Variants in ASXL2 observed in about 807,000 individuals in gnomAD.
ASXL2 encodes the protein putative Polycomb group protein ASXL2.
A neutral mutation model predicts 122.0 loss-of-function variants in ASXL2; 23 were observed. The ratio of observed to expected loss-of-function variants is 0.19; its 90% confidence interval spans 0.14 to 0.27. ASXL2 has a LOEUF of 0.27. ASXL2 is among the 10% of genes least tolerant of loss of function. The probability of loss-of-function intolerance (pLI) is 1.00; values close to 1 mark genes in which losing one functional copy is unlikely to be tolerated. For synonymous variants in ASXL2, 650 were observed against 637.0 expected (o/e 1.02, Z -0.31); for missense variants, 1,518 against 1,713.8 (o/e 0.89, Z 2.02).
rs778498247 is a variant in ASXL2, at chr2:25,742,928, T to C, written c.3409A>G (p.Ser1137Gly). 9 of 1,613,802 alleles carry C rather than the reference T, an allele frequency of 5.6e-6. No individual in the cohort carries two copies. The African/African-American group carries it at 1.1e-4, about 19-fold the overall frequency. The stretch of plus-strand genomic sequence containing the variant: ...TTTACAGAATGGGTCCTCCTAAAGC[T>C]CTCTGAGCCCCGGCCGTAGGTAGAA... Reference protein sequence around the residue: ...NISTYGRGSESFRRTHSVNPE... With the variant: ...NISTYGRGSEGFRRTHSVNPE... The change falls in exon 13 of 13, where the codon AGC becomes GGC. Residue 1137 changes from serine (S) to glycine (G), a missense_variant. By Grantham distance (56) the Ser-to-Gly change is moderately conservative. Transcript: ENST00000435504.
chr2:25,821,386 A>C (rs2089308823), intron 3 of ASXL2, among the ~76,000 whole-genome samples: 1 of 151,754 alleles, frequency 6.6e-6, no homozygotes, highest in African/African-American at 2.4e-5. Flanking sequence ...AAGGGAAAGG[A>C]AAGGAGGGAA....
intron 11 of ASXL2, among the ~76,000 whole-genome samples, chr2:25,751,451 G>A (rs746995321): frequency 2.6e-5 from 4 of 152,010 alleles, no homozygotes; most frequent in Non-Finnish European, 4.4e-5. Context: ...CTGTGCAACA[G>A]GGCAAAACCC....
rs2088288831 is a variant in ASXL2 at position 25,763,476 on chromosome 2, C to G, written c.776-3831G>C. ...CTGCACTCCAGCCTGGGTGACAGATCAAGACTCCATGTTAAAAAAAAAAAA... is the reference window on the plus strand; with the variant it reads ...CTGCACTCCAGCCTGGGTGACAGATGAAGACTCCATGTTAAAAAAAAAAAA... On this transcript the variant is annotated intron_variant, in intron 8 of 12. Transcript: ENST00000435504. Among the ~76,000 whole-genome samples the G allele has an allele frequency of 2.0e-5, 3 of 149,682 alleles. No individual in the cohort carries two copies. In the South Asian group the frequency reaches 6.3e-4, roughly 32 times the overall value.
rs752284764 is a variant in ASXL2 at position 25,742,250 on chromosome 2, T to C, written c.4087A>G (p.Thr1363Ala). The C allele has an allele frequency of 4.3e-6, 7 of 1,613,838 alleles. No individual in the cohort carries two copies. In the African/African-American group the frequency reaches 6.7e-5, roughly 15 times the overall value. The change falls in exon 13 of 13, where the codon ACT becomes GCT. Residue 1363 changes from threonine to alanine, a missense_variant. Thr to Ala is a moderately conservative substitution (Grantham distance 58). Coordinates refer to ENST00000435504, the MANE Select transcript of ASXL2 (RefSeq NM_018263.6). ...TGGCTAGCAGGGATGGTAGTGACAG[T>C]CACTGAAAATGACATGACATCACCT... Reference protein sequence around the residue: ...NVGDVMSFSVTVTTIPASQAM... With the variant: ...NVGDVMSFSVAVTTIPASQAM...
chr2:25,745,641 C>CTTTTTTTTTTTTTTTT (rs59530493), intron 12 of ASXL2, among the ~76,000 whole-genome samples: 1 of 75,676 alleles, frequency 1.3e-5, no homozygotes, highest in Non-Finnish European at 2.6e-5. Context: ...TGATTTCCTT[C>CTTTTTTTTTTTTTTTT]TTTTTTTTTT....
intron 8 of ASXL2, among the ~76,000 whole-genome samples, chr2:25,763,995 A>C (rs183933595): frequency 9.8e-5 from 15 of 152,356 alleles, no homozygotes; most frequent in African/African-American, 3.6e-4. Context: ...AACCAAAAAA[A>C]CTTCAAAATA....
chr2:25,767,459 T>A (rs1373155238), intron 8 of ASXL2, 124 bp downstream of exon 8: 2 of 1,028,090 alleles, frequency 1.9e-6, no homozygotes, highest in Non-Finnish European at 2.8e-6. Flanking sequence ...AAAACTTATG[T>A]CTAATCTTTG....
chr2:25,742,060 T>C lies in ASXL2; in HGVS notation c.4277A>G (p.Lys1426Arg). 6.2e-7 allele frequency: 1 copy of C among 1,613,908 alleles called. No homozygotes were observed. The highest frequency in any genetic ancestry group is 8.5e-7 in the Non-Finnish European group (1 of 1,179,828). Residue 1426 changes from lysine to arginine, a missense_variant, in exon 13 of 13, where the codon AAA becomes AGA. Physicochemically the swap from Lys to Arg is conservative, Grantham distance 26. Coordinates refer to ENST00000435504, the MANE Select transcript of ASXL2 (RefSeq NM_018263.6). The part of the protein sequence containing the change: ...FCHDDCIGPS[K>R]LCVSCLVVR The stretch of plus-strand genomic sequence containing the variant: ...AACGACAAGGCAGGAGACGCACAGT[T>C]TGGAGGGGCCGATGCAATCATCATG...
rs748758344 is a variant in ASXL2, at chr2:25,820,351, T to C, written c.144-14014A>G. On this transcript the variant is annotated intron_variant, in intron 3 of 12. Transcript: ENST00000435504. ...TATATAAGAATTCTTTGTACTACCT[T>C]TGCAACTTTTCTAAGTCTGCAATAT... Among the ~76,000 whole-genome samples, 62 of 152,308 alleles carry C rather than the reference T, an allele frequency of 4.1e-4. 1 individual carries two copies. Among genetic ancestry groups the C allele is most frequent in the Non-Finnish European group, 7.8e-4 (53 of 68,024 alleles).
At position 25,827,519 on chromosome 2, in the gene ASXL2, C is replaced by A. The variant is rs150299300; in HGVS notation, c.143+8019G>T. 5.0e-3 allele frequency among the ~76,000 whole-genome samples: 757 copies of A among 152,314 alleles called. 3 individuals are homozygous for A. Among genetic ancestry groups the A allele is most frequent in the Non-Finnish European group, 7.4e-3 (505 of 68,022 alleles). On this transcript the variant is annotated intron_variant, in intron 3 of 12. Coordinates refer to ENST00000435504, the MANE Select transcript of ASXL2 (RefSeq NM_018263.6). ...TTCCTTCCCTTGATCACATTACCTGCAATTCCACCATGATTGATTCATTCG... is the reference window on the plus strand; with the variant it reads ...TTCCTTCCCTTGATCACATTACCTGAAATTCCACCATGATTGATTCATTCG...
chr2:25,849,250 C>A (rs1021793456), intron 1 of ASXL2, among the ~76,000 whole-genome samples: 7 of 149,934 alleles, frequency 4.7e-5, no homozygotes, highest in African/African-American at 1.7e-4. Context: ...CCAGCCTGGC[C>A]AACATGGAGA....
At position 25,734,197 on chromosome 2, in the gene ASXL2, CT is replaced by C. The variant is rs1402558553; in HGVS notation, c.*7831del. On this transcript the variant is annotated 3_prime_UTR_variant, in exon 13 of 13. Coordinates refer to ENST00000435504, the MANE Select transcript of ASXL2 (RefSeq NM_018263.6). ...TTTGTGAATTCTCTGAGAACTTGCTCTTTAATCAGTACTTTATTATTAGAGA... is the reference window on the plus strand; with the variant it reads ...TTTGTGAATTCTCTGAGAACTTGCTCTTAATCAGTACTTTATTATTAGAGA... 6.6e-6 allele frequency: 1 copy of C among 151,870 alleles called. No individual in the cohort carries two copies. The highest frequency in any genetic ancestry group is 2.4e-5 in the African/African-American group (1 of 41,318). 9.4% of individuals were successfully genotyped at this position (151,870 alleles called of 1,614,324 possible).
intron 10 of ASXL2, 32 bp from the exon 11 acceptor site, chr2:25,753,671 G>C: frequency 1.3e-6 from 2 of 1,502,206 alleles, no homozygotes; most frequent in Non-Finnish European, 1.8e-6. Flanking sequence ...ATATTCAATA[G>C]AAAAATGCTA....
At chr2:25,779,389 T>C (rs1206725271) in intron 5 of ASXL2, among the ~76,000 whole-genome samples, 4 of 152,102 alleles carry the variant, frequency 2.6e-5, no homozygotes, top group African/African-American at 9.7e-5. Context: ...TGAGCCACCA[T>C]GCCCAGCCTG....
At chr2:25,816,528 G>A (rs1331560899) in intron 3 of ASXL2, among the ~76,000 whole-genome samples, 7 of 152,306 alleles carry the variant, frequency 4.6e-5, no homozygotes, top group Admixed American at 2.6e-4. Flanking sequence ...TGATTGACAT[G>A]AGAGCCAGAT....
At chr2:25,761,672 CAAAAAAAAAAAA>C in intron 8 of ASXL2, among the ~76,000 whole-genome samples, 1 of 56,912 alleles carries the variant, frequency 1.8e-5, no homozygotes, top group Non-Finnish European at 3.7e-5. Context: ...GACTCCGTCT[CAAAAAAAAAAAA>C]AAAAAAAAGG....
intron 1 of ASXL2, among the ~76,000 whole-genome samples, chr2:25,867,332 G>C (rs918260276): frequency 6.6e-6 from 1 of 152,152 alleles, no homozygotes; most frequent in Admixed American, 6.5e-5. Context: ...AGAAGGCCAG[G>C]TGCAGAGGCT....
chr2:25,843,218 G>C (rs1298089996), intron 2 of ASXL2, among the ~76,000 whole-genome samples: 1 of 151,504 alleles, frequency 6.6e-6, no homozygotes, highest in Non-Finnish European at 1.5e-5. Flanking sequence ...AGGAGAATGG[G>C]GTGAACCTGG....
intron 3 of ASXL2, among the ~76,000 whole-genome samples, chr2:25,813,296 C>A (rs2089194350): frequency 6.6e-6 from 1 of 152,180 alleles, no homozygotes; most frequent in African/African-American, 2.4e-5. Context: ...AGTCCCTGAT[C>A]TAAAACACTT....
Sources: gnomAD v4.1 joint callset for allele counts (sites outside exome capture counted in the v4.1 genomes callset) on GRCh38, gnomAD v4.1.1 for gene constraint, MANE v1.5 for transcripts, NCBI Gene and HGNC (gene_info 2026-07-23, HGNC 2026-07-21) for gene names.